PLCH2: variants seen among roughly 807,000 people sequenced by gnomAD.
PLCH2 encodes the protein phospholipase C eta 2.
PLCH2 carries 98 observed loss-of-function variants against 134.7 expected under a neutral mutation model. The observed-to-expected ratio is 0.73, with a 90% CI of 0.62 to 0.86. The LOEUF (loss-of-function observed/expected upper bound fraction) is 0.86. PLCH2 is among the 40% of genes least tolerant of loss of function. The pLI, the probability that PLCH2 is intolerant of heterozygous loss-of-function variation, is 0.00. For synonymous variants in PLCH2, 974 were observed against 827.5 expected (o/e 1.18, Z -3.04); for missense variants, 1,994 against 1,986.6 (o/e 1.00, Z -0.07).
intron 2 of PLCH2, among the ~76,000 whole-genome samples, chr1:2,457,209 C>T (rs189749521): frequency 2.6e-5 from 4 of 152,316 alleles, no homozygotes; most frequent in African/African-American, 9.6e-5. Context: ...CAGCTGGCAG[C>T]TCCGTCCATC....
At chr1:2,487,032 C>T (rs1642323010) in intron 6 of PLCH2, 32 bp downstream of exon 6, 1 of 1,559,264 alleles carries the variant, frequency 6.4e-7, no homozygotes, top group African/African-American at 1.4e-5. Flanking sequence ...GCCCAGCTGT[C>T]CTGGGATGCT....
At chr1:2,470,467 A>G (rs1641271405) in intron 1 of PLCH2, among the ~76,000 whole-genome samples, 1 of 151,990 alleles carries the variant, frequency 6.6e-6, no homozygotes, top group Non-Finnish European at 1.5e-5. Flanking sequence ...TCTCCAGGAC[A>G]CCCTCTCTGT....
chr1:2,496,913 C>T lies in PLCH2; in HGVS notation c.2019C>T (p.Phe673=). 1 of 1,613,212 alleles carries T rather than the reference C, an allele frequency of 6.2e-7. No homozygotes were observed. The change falls in exon 15 of 22, where the codon TTC becomes TTT. Residue 673 remains phenylalanine (F), a synonymous_variant. Transcript: ENST00000378486. The part of the protein sequence containing the change: ...LQQKPAQYLR[F]NQQQLSRIYP... The stretch of plus-strand genomic sequence containing the variant: ...AGAAGCCGGCGCAGTACCTACGCTT[C>T]AACCAGCAGCAGCTCTCCCGCATCT...
chr1:2,428,623 G>T (rs558388468), intron 1 of PLCH2, among the ~76,000 whole-genome samples: 1 of 152,266 alleles, frequency 6.6e-6, no homozygotes, highest in African/African-American at 2.4e-5. Context: ...CAGCCCCAGC[G>T]GAGCCCACGC....
chr1:2,427,222 G>A (rs980485130), intron 1 of PLCH2, among the ~76,000 whole-genome samples: 1 of 151,888 alleles, frequency 6.6e-6, no homozygotes, highest in Admixed American at 6.5e-5. Flanking sequence ...GGGCGTTGAG[G>A]AGCTGGGCAG....
At chr1:2,435,744 G>A (rs1045924326) in intron 2 of PLCH2, among the ~76,000 whole-genome samples, 1 of 152,018 alleles carries the variant, frequency 6.6e-6, no homozygotes, top group African/African-American at 2.4e-5. Flanking sequence ...TGGAGAAGAT[G>A]ATGAACTGTG....
At chr1:2,427,567 G>A (rs1638858748) in intron 1 of PLCH2, among the ~76,000 whole-genome samples, 1 of 152,216 alleles carries the variant, frequency 6.6e-6, no homozygotes, top group Admixed American at 6.5e-5. Context: ...CCCTCAGGGG[G>A]CTTCCTGAGC....
intron 2 of PLCH2, among the ~76,000 whole-genome samples, chr1:2,442,236 A>T (rs1042683603): frequency 1.3e-5 from 2 of 152,256 alleles, no homozygotes; most frequent in Non-Finnish European, 2.9e-5. Context: ...CAGCAGGTCT[A>T]TTCCTGGGGA....
chr1:2,419,019 G>A, the PLCH2 span, among the ~76,000 whole-genome samples: 4 of 152,194 alleles, frequency 2.6e-5, no homozygotes, highest in African/African-American at 9.7e-5. Context: ...GTCTGTGCCC[G>A]ACGCCTCTCT....
At chr1:2,482,416 T>C (rs1353034806) in intron 4 of PLCH2, among the ~76,000 whole-genome samples, 1 of 152,156 alleles carries the variant, frequency 6.6e-6, no homozygotes, top group Admixed American at 6.5e-5. Flanking sequence ...CTGGGTGCAG[T>C]GAGTGGGCAC....
chr1:2,436,483 TCCCCTCCTCCCTCCTCCTCC>T (rs1639406045), intron 2 of PLCH2, among the ~76,000 whole-genome samples: 1 of 29,922 alleles, frequency 3.3e-5, no homozygotes, highest in Non-Finnish European at 5.1e-5. Context: ...TCCTCCCTCC[TCCCCTCCTCCCTCCTCCTCC>T]TTTCCTCCTT....
At position 2,444,788 on chromosome 1, in the gene PLCH2, C is replaced by T. The variant is rs909239588; in HGVS notation, c.115+14159C>T. Among the ~76,000 whole-genome samples, 1 of 152,042 alleles carries T rather than the reference C, an allele frequency of 6.6e-6. No individual in the cohort carries two copies. Among genetic ancestry groups the T allele is most frequent in the Non-Finnish European group, 1.5e-5 (1 of 67,990 alleles). ...CCCTTCCCCCATGGCCTTCTCCCTC[C>T]AGGAGAATGGACCCGATCGGTGTCC... On this transcript the variant is annotated intron_variant, in intron 2 of 3. Transcript: ENST00000609981. The surrounding 1 kb of genome is among the most constrained non-coding windows in gnomAD (Gnocchi z 4.6).
rs536204307 is a variant in PLCH2, at chr1:2,498,912, C to A, written c.2434+84C>A. 89 of 1,347,028 alleles carry A rather than the reference C, an allele frequency of 6.6e-5. 1 individual carries two copies. In the South Asian group the frequency reaches 1.1e-3, roughly 17 times the overall value. 83.4% of individuals were successfully genotyped at this position (1,347,028 alleles called of 1,614,324 possible). On this transcript the variant is annotated intron_variant, in intron 18 of 21. Transcript: ENST00000378486. This position sits in a 1 kb window ranked among gnomAD's most constrained non-coding sequence, Gnocchi z 5.4. Reference sequence around the variant, plus strand: ...GGGCTACCTGGTGTGCCCGGGTGCCCTGCCCAGGCCTCCCTCAGTGACAGT... The same window carrying A: ...GGGCTACCTGGTGTGCCCGGGTGCCATGCCCAGGCCTCCCTCAGTGACAGT...
At chr1:2,432,759 G>T (rs957613290) in intron 2 of PLCH2, among the ~76,000 whole-genome samples, 1 of 152,186 alleles carries the variant, frequency 6.6e-6, no homozygotes. Flanking sequence ...AGAGCCCGCC[G>T]TGCAGGCTTG....
chr1:2,431,098 A>T (rs572927637), intron 2 of PLCH2, among the ~76,000 whole-genome samples: 2 of 152,232 alleles, frequency 1.3e-5, no homozygotes, highest in East Asian at 3.9e-4. Context: ...TTCTGCTGGG[A>T]TGCCCTGGAG....
chr1:2,505,210 C>T lies in PLCH2; in HGVS notation c.4248C>T (p.Leu1416=), dbSNP rs551671251. The change falls in exon 22 of 22, where the codon CTC becomes CTT. Residue 1416 remains leucine, a synonymous_variant. Transcript: ENST00000378486. The part of the protein sequence containing the change: ...AAAENLVLLR[L] Reference sequence around the variant, plus strand: ...CTGAAAACCTGGTCCTGCTCCGCCTCTGACCGTCAGTGGTGGGAACCTGGG... The same window carrying T: ...CTGAAAACCTGGTCCTGCTCCGCCTTTGACCGTCAGTGGTGGGAACCTGGG... 1.8e-4 allele frequency: 277 copies of T among 1,568,240 alleles called. 6 individuals carry two copies. The South Asian group carries it at 3.0e-3, about 17-fold the overall frequency.
the PLCH2 span, among the ~76,000 whole-genome samples, chr1:2,418,937 G>A: frequency 2.3e-4 from 35 of 152,352 alleles, no homozygotes; most frequent in African/African-American, 7.9e-4. Flanking sequence ...TGGGGTTGCA[G>A]CCAAGTAGCC....
chr1:2,488,870 A>G (rs1232096869), intron 8 of PLCH2, among the ~76,000 whole-genome samples: 1 of 152,222 alleles, frequency 6.6e-6, no homozygotes, highest in Non-Finnish European at 1.5e-5. Context: ...GGTTTTGTCC[A>G]CATCATTTTA....
At chr1:2,471,398 GC>G (rs1290435784), upstream of PLCH2, among the ~76,000 whole-genome samples, 5 of 152,360 alleles carry the variant, frequency 3.3e-5, no homozygotes, top group East Asian at 9.6e-4. Flanking sequence ...GGCCTCAGAG[GC>G]CATCCTGTCC....
Sources: allele counts gnomAD v4.1 joint callset (sites outside exome capture counted in the v4.1 genomes callset), GRCh38; gene constraint gnomAD v4.1.1; non-coding constraint Gnocchi (gnomAD v3.1); transcripts MANE v1.5; gene names NCBI Gene and HGNC (gene_info 2026-07-23, HGNC 2026-07-21).